The following MACROD2 variants were observed in gnomAD, a reference collection of about 807,000 sequenced individuals.
MACROD2 encodes ADP-ribose glycohydrolase MACROD2.
In MACROD2, 36 loss-of-function variants were observed where a neutral mutation model predicts 70.4. That is an observed-to-expected ratio of 0.51 (90% CI 0.39 to 0.68). MACROD2 has a LOEUF of 0.68. Among genes scored for constraint, MACROD2 ranks in the 30% least tolerant of loss-of-function variants. MACROD2 has a pLI of 0.00. For missense variants in MACROD2, 496 were observed against 538.4 expected, an observed-to-expected ratio of 0.92 and a Z score of 0.78; for synonymous variants, 172 against 178.8, an observed-to-expected ratio of 0.96 and a Z score of 0.30.
chr20:16,020,267 CT>C (rs2066983361), intron 15 of MACROD2, among the ~76,000 whole-genome samples: 1 of 152,106 alleles, frequency 6.6e-6, no homozygotes, highest in South Asian at 2.1e-4. Flanking sequence ...TTACCCAGCC[CT>C]GTGCCTTCTG....
At chr20:14,742,777 T>TA (rs1050615460) in intron 5 of MACROD2, among the ~76,000 whole-genome samples, 9 of 151,296 alleles carry the variant, frequency 5.9e-5, no homozygotes, top group African/African-American at 1.5e-4. Flanking sequence ...TATTTTATTT[T>TA]TTTTTTTGAG....
At chr20:15,630,738 G>T (rs566229594) in intron 8 of MACROD2, among the ~76,000 whole-genome samples, 225 of 152,342 alleles carry the variant, frequency 1.5e-3, no homozygotes, top group African/African-American at 5.1e-3. Context: ...GGAGAGGGTG[G>T]TCTTTTCCTA....
At chr20:16,003,730 G>T (rs1400825021) in intron 15 of MACROD2, among the ~76,000 whole-genome samples, 1 of 152,090 alleles carries the variant, frequency 6.6e-6, no homozygotes, top group Admixed American at 6.6e-5. Flanking sequence ...GAGTGCAGTG[G>T]CGTGATCTCA....
At position 15,657,498 on chromosome 20, in the gene MACROD2, AAGAT is replaced by A. The variant is rs1270248399; in HGVS notation, c.645+157661_645+157664del. Among the ~76,000 whole-genome samples, 18 of 152,338 alleles carry A rather than the reference AAGAT, an allele frequency of 1.2e-4. 1 individual carries two copies. The East Asian group carries it at 2.9e-3, about 24-fold the overall frequency. The stretch of plus-strand genomic sequence containing the variant: ...GTTAGTTTTTGGACATCCTTTACCA[AAGAT>A]AGATAGATAAATAAATAAATGAGAG... On this transcript the variant is annotated intron_variant, in intron 8 of 17. Coordinates refer to ENST00000684519, the MANE Select transcript of MACROD2 (RefSeq NM_001351661.2).
chr20:15,097,447 T>C (rs2075842062), intron 5 of MACROD2, among the ~76,000 whole-genome samples: 1 of 152,226 alleles, frequency 6.6e-6, no homozygotes, highest in Non-Finnish European at 1.5e-5. Context: ...GTGTTTCTTC[T>C]ATTTTATTGC....
At chr20:15,696,104 C>G (rs2050365398) in intron 8 of MACROD2, among the ~76,000 whole-genome samples, 1 of 152,180 alleles carries the variant, frequency 6.6e-6, no homozygotes, top group Non-Finnish European at 1.5e-5. Flanking sequence ...TGAGAGTGGG[C>G]ATCCTTGTCT....
chr20:14,789,273 C>T (rs1056683784), intron 5 of MACROD2, among the ~76,000 whole-genome samples: 1 of 151,652 alleles, frequency 6.6e-6, no homozygotes, highest in Non-Finnish European at 1.5e-5. Context: ...TATGCCTAAA[C>T]TAAATGGTAA....
intron 5 of MACROD2, among the ~76,000 whole-genome samples, chr20:14,881,424 C>T (rs1172394325): frequency 4.6e-5 from 7 of 151,860 alleles, no homozygotes; most frequent in Non-Finnish European, 8.8e-5. Flanking sequence ...CACTTGACTT[C>T]CCTGTGCCTC....
chr20:15,147,812 G>A (rs1027729688), intron 5 of MACROD2, among the ~76,000 whole-genome samples: 1 of 152,072 alleles, frequency 6.6e-6, no homozygotes, highest in Middle Eastern at 3.2e-3. Context: ...AGGGAGCTAG[G>A]GGTGGGGCCA....
intron 5 of MACROD2, among the ~76,000 whole-genome samples, chr20:14,689,400 A>C (rs2071037354): frequency 6.6e-6 from 1 of 152,186 alleles, no homozygotes; most frequent in African/African-American, 2.4e-5. Flanking sequence ...ATATTCATAT[A>C]GCTTAAAAAA....
chr20:14,977,473 A>G (rs1206238624), intron 5 of MACROD2, among the ~76,000 whole-genome samples: 2 of 150,872 alleles, frequency 1.3e-5, no homozygotes, highest in Non-Finnish European at 3.0e-5. Context: ...ACACACACAC[A>G]CACACACACA....
intron 4 of MACROD2, among the ~76,000 whole-genome samples, chr20:14,566,070 A>T (rs1252831086): frequency 6.6e-6 from 1 of 152,004 alleles, no homozygotes; most frequent in Non-Finnish European, 1.5e-5. Context: ...CAAAAAATAG[A>T]TAAATTGGAT....
intron 4 of MACROD2, among the ~76,000 whole-genome samples, chr20:14,555,291 T>G (rs2123275186): frequency 6.6e-6 from 1 of 151,982 alleles, no homozygotes; most frequent in African/African-American, 2.4e-5. Context: ...AAATTAGAAT[T>G]CCCCCAAATT....
At chr20:16,008,710 A>C (rs546416651) in intron 15 of MACROD2, among the ~76,000 whole-genome samples, 1 of 152,230 alleles carries the variant, frequency 6.6e-6, no homozygotes, top group Non-Finnish European at 1.5e-5. Flanking sequence ...TAAACTCTCA[A>C]TCAATATTAA....
At chr20:14,992,408 C>A (rs1209580375) in intron 5 of MACROD2, among the ~76,000 whole-genome samples, 1 of 152,128 alleles carries the variant, frequency 6.6e-6, no homozygotes, top group Non-Finnish European at 1.5e-5. Flanking sequence ...ACTTGATTGT[C>A]TAACACAAAA....
chr20:15,218,963 A>G (rs536437146), intron 5 of MACROD2, among the ~76,000 whole-genome samples: 1 of 152,098 alleles, frequency 6.6e-6, no homozygotes, highest in South Asian at 2.1e-4. Context: ...GGAGAATGGC[A>G]TGAACCCGGG....
chr20:15,941,756 G>A (rs568341141), intron 12 of MACROD2, among the ~76,000 whole-genome samples: 14 of 152,276 alleles, frequency 9.2e-5, no homozygotes, highest in South Asian at 8.3e-4. Context: ...TCTTGAGTTC[G>A]TTTTCAGACT....
chr20:15,401,517 C>G (rs2045930447), intron 6 of MACROD2, among the ~76,000 whole-genome samples: 1 of 152,084 alleles, frequency 6.6e-6, no homozygotes, highest in Non-Finnish European at 1.5e-5. Context: ...GCCAAAAAGC[C>G]TGGGTGCAAT....
At chr20:15,523,925 G>A (rs1233779) in intron 8 of MACROD2, among the ~76,000 whole-genome samples, 57,859 of 151,810 alleles carry the variant, frequency 0.38, 13,436 homozygotes, top group African/African-American at 0.66. Context: ...CACCAGCCTC[G>A]TGATCTAGGT....
Sources: gnomAD v4.1 joint callset for allele counts (sites outside exome capture counted in the v4.1 genomes callset) on GRCh38, gnomAD v4.1.1 for gene constraint, MANE v1.5 for transcripts, NCBI Gene and HGNC (gene_info 2026-07-23, HGNC 2026-07-21) for gene names.